The following CFAP69 variants were observed in gnomAD, a reference collection of about 807,000 sequenced individuals.
CFAP69 encodes cilia- and flagella-associated protein 69.
A neutral mutation model predicts 123.0 loss-of-function variants in CFAP69; 92 were observed. The ratio of observed to expected loss-of-function variants is 0.75; its 90% confidence interval spans 0.63 to 0.89. The LOEUF (loss-of-function observed/expected upper bound fraction) is 0.89, where lower values mean the gene tolerates loss of function less well. Ranked by LOEUF, CFAP69 falls within the 40% of genes least tolerant of loss-of-function variation. CFAP69 has a pLI of 0.00. For missense variants in CFAP69, 1,067 were observed against 1,096.9 expected (o/e 0.97, Z 0.39); for synonymous variants, 380 against 364.3 (o/e 1.04, Z -0.49).
At chr7:90,297,341 T>G (rs1414550518) in intron 15 of CFAP69, among the ~76,000 whole-genome samples, 1 of 152,222 alleles carries the variant, frequency 6.6e-6, no homozygotes, top group East Asian at 1.9e-4. Flanking sequence ...TACTTTGGAA[T>G]GCCTTGGCTG....
At chr7:90,260,313 G>A (rs1413269965) in intron 3 of CFAP69, among the ~76,000 whole-genome samples, 1 of 151,902 alleles carries the variant, frequency 6.6e-6, no homozygotes, top group African/African-American at 2.4e-5. Context: ...ATCATTTGAG[G>A]CCAGGAGTTT....
intron 22 of CFAP69, 71 bp downstream of exon 22, chr7:90,309,438 A>G (rs1310020512): frequency 4.9e-6 from 4 of 814,974 alleles, no homozygotes; most frequent in Non-Finnish European, 7.6e-6. Context: ...CTGTGCAAAT[A>G]TACTGAAAAC....
At chr7:90,316,436 CCTT>C in the CFAP69 span, 8 of 152,122 alleles carry the variant, frequency 5.3e-5, no homozygotes, top group African/African-American at 1.7e-4. Flanking sequence ...ATTTTGACCA[CCTT>C]CTTTTTTATC....
chr7:90,271,725 A>C lies in CFAP69; in HGVS notation c.682+50A>C, dbSNP rs10280053. On this transcript the variant is annotated intron_variant, in intron 7 of 22. Coordinates refer to ENST00000389297, the MANE Select transcript of CFAP69 (RefSeq NM_001039706.3). Reference sequence around the variant, plus strand: ...ACTTCATTGTCAACTACTTTTGTTTATGTCTAAAAATGTCAATATTGTAAA... The same window carrying C: ...ACTTCATTGTCAACTACTTTTGTTTCTGTCTAAAAATGTCAATATTGTAAA... 0.86 allele frequency: 1,374,305 copies of C among 1,588,948 alleles called. 595,957 individuals are homozygous for C. Among genetic ancestry groups the C allele is most frequent in the East Asian group, 1 (44,590 of 44,612 alleles).
downstream of CFAP69, among the ~76,000 whole-genome samples, chr7:90,313,816 C>T (rs1286718208): frequency 6.6e-6 from 1 of 152,066 alleles, no homozygotes. Flanking sequence ...GATAACTACC[C>T]ATTCTCAAGT....
the CFAP69 span, among the ~76,000 whole-genome samples, chr7:90,321,963 T>C: frequency 6.6e-6 from 1 of 152,226 alleles, no homozygotes; most frequent in South Asian, 2.1e-4. Context: ...GCTAGGGAAA[T>C]CAAAGCCAGC....
chr7:90,286,391 C>T lies in CFAP69; in HGVS notation c.1648C>T (p.Gln550Ter), dbSNP rs1584469019. 1.2e-6 allele frequency: 2 copies of T among 1,611,706 alleles called. No homozygotes were observed. Among genetic ancestry groups the T allele is most frequent in the Non-Finnish European group, 1.7e-6 (2 of 1,179,216 alleles). The change falls in exon 14 of 23, where the codon CAA (glutamine) becomes TAA (stop). Residue 550 changes from glutamine to a stop codon, truncating the protein, a stop_gained. Coordinates refer to ENST00000389297, the MANE Select transcript of CFAP69 (RefSeq NM_001039706.3). LOFTEE classifies it high-confidence loss of function. ...ATCTGGCCTTTGTGAGAATCACATT[C>T]AAAGGAAGGTATGTATGCCTGTGAA... ...ILSGLCENHI[Q>*]RKEIFGTEGV... is the part of the protein sequence containing the mutation.
At chr7:90,292,827 A>G (rs944751762) in intron 15 of CFAP69, among the ~76,000 whole-genome samples, 3 of 152,224 alleles carry the variant, frequency 2.0e-5, no homozygotes, top group Non-Finnish European at 4.4e-5. Flanking sequence ...TCAGCTCTCT[A>G]TGAGAGTTCT....
downstream of CFAP69, among the ~76,000 whole-genome samples, chr7:90,312,014 T>C (rs1455033075): frequency 6.6e-6 from 1 of 152,198 alleles, no homozygotes; most frequent in Non-Finnish European, 1.5e-5. Context: ...ATGTGAAGTG[T>C]CCATGGCTAA....
downstream of CFAP69, among the ~76,000 whole-genome samples, chr7:90,313,472 A>G (rs1794497224): frequency 1.3e-5 from 2 of 152,190 alleles, no homozygotes; most frequent in African/African-American, 4.8e-5. Flanking sequence ...GATAGACCCA[A>G]TACCCCAACT....
At chr7:90,262,989 G>C (rs542530267) in intron 4 of CFAP69, among the ~76,000 whole-genome samples, 1 of 152,132 alleles carries the variant, frequency 6.6e-6, no homozygotes, top group South Asian at 2.1e-4. Context: ...GAAAATAAAT[G>C]GTTGCTCTGG....
At chr7:90,319,732 C>T in the CFAP69 span, 1 of 398,410 alleles carries the variant, frequency 2.5e-6, no homozygotes, top group Non-Finnish European at 4.4e-6. Flanking sequence ...GAACCATCTT[C>T]TTGTAGCAAA....
intron 4 of CFAP69, among the ~76,000 whole-genome samples, chr7:90,264,769 T>C (rs1179746229): frequency 6.6e-6 from 1 of 152,098 alleles, no homozygotes; most frequent in African/African-American, 2.4e-5. Context: ...ATTTTCTTTT[T>C]GGTCAGTTCA....
At chr7:90,294,335 T>A (rs537382076) in intron 15 of CFAP69, among the ~76,000 whole-genome samples, 7 of 152,364 alleles carry the variant, frequency 4.6e-5, no homozygotes, top group African/African-American at 1.7e-4. Flanking sequence ...CTGTCTTGAT[T>A]TCCCTAAGAT....
rs936731092 is a variant in CFAP69 at position 90,288,258 on chromosome 7, G to C, written c.1681G>C (p.Asp561His). Residue 561 changes from aspartate to histidine, a missense_variant, in exon 15 of 23, where the codon GAT becomes CAT. Asp to His is a moderately conservative substitution (Grantham distance 81, BLOSUM62 -1). Coordinates refer to ENST00000389297, the MANE Select transcript of CFAP69 (RefSeq NM_001039706.3). ...GGAAATTTTCGGAACTGAAGGAGTA[G>C]ATATCGTTCTTCATGTGATGAAAAC... ...RKEIFGTEGV[D>H]IVLHVMKTDP... 1.4e-5 allele frequency: 22 copies of C among 1,610,138 alleles called. No homozygotes were observed. Among genetic ancestry groups the C allele is most frequent in the Non-Finnish European group, 1.7e-5 (20 of 1,177,148 alleles).
Position 90,283,044 on chromosome 7 carries a change from C to T in CFAP69, c.1525C>T (p.Gln509Ter). 6.4e-7 allele frequency: 1 copy of T among 1,556,284 alleles called. No individual in the cohort carries two copies. Among genetic ancestry groups the T allele is most frequent in the Non-Finnish European group, 8.7e-7 (1 of 1,154,220 alleles). Residue 509 changes from glutamine to a stop codon, truncating the protein, a stop_gained, in exon 13 of 23, where the codon CAG becomes TAG. Transcript: ENST00000389297. LOFTEE classifies it high-confidence loss of function. Reference protein sequence around the residue: ...NKDLCEKGTIQQMIGIFKNII... With the variant: ...NKDLCEKGTI The stretch of plus-strand genomic sequence containing the variant: ...AGATCTTTGTGAAAAGGGAACAATT[C>T]AGCAAATGATAGGTAAAATATAACA...
chr7:90,299,812 C>G, intron 16 of CFAP69, 55 bp from the exon 17 acceptor site: 1 of 1,312,328 alleles, frequency 7.6e-7, no homozygotes, highest in Non-Finnish European at 1.0e-6. Context: ...TTTTTGAAGA[C>G]AATAATTCTT....
At chr7:90,265,515 C>A in intron 5 of CFAP69, 138 bp downstream of exon 5, 1 of 579,706 alleles carries the variant, frequency 1.7e-6, no homozygotes, top group Non-Finnish European at 3.1e-6. Flanking sequence ...GTGAATTAAT[C>A]ACAGTGTGCT....
intron 22 of CFAP69, 66 bp from the exon 23 acceptor site, chr7:90,310,002 A>G (rs1463926553): frequency 1.5e-6 from 2 of 1,312,702 alleles, no homozygotes; most frequent in Non-Finnish European, 1.1e-6. Context: ...TGAAGGATGA[A>G]TGAGTTTTTC....
Sources: gnomAD v4.1 joint callset for allele counts (sites outside exome capture counted in the v4.1 genomes callset) on GRCh38, gnomAD v4.1.1 for gene constraint, MANE v1.5 for transcripts, NCBI Gene and HGNC (gene_info 2026-07-23, HGNC 2026-07-21) for gene names.